SPEF2: variants seen among roughly 807,000 people sequenced by gnomAD.
The protein encoded by SPEF2 is sperm flagella and cilia-associated protein 2.
SPEF2 carries 187 observed loss-of-function variants against 224.6 expected under a neutral mutation model. The observed-to-expected ratio is 0.83, with a 90% CI of 0.74 to 0.94. The LOEUF is 0.94. Among genes scored for constraint, SPEF2 ranks in the 40% least tolerant of loss-of-function variants. The pLI is 0.00. For missense variants in SPEF2, 2,170 were observed against 2,135.6 expected (o/e 1.02, Z -0.32); for synonymous variants, 715 against 707.3 (o/e 1.01, Z -0.17).
At chr5:35,709,214 T>C in intron 19 of SPEF2, 93 bp downstream of exon 19, 1 of 1,551,384 alleles carries the variant, frequency 6.4e-7, no homozygotes, top group East Asian at 2.3e-5. Context: ...ATTCAGACTT[T>C]GGGCAACTTC....
chr5:35,797,317 G>GGTGTGTCTGTGTGT (rs369368858), intron 33 of SPEF2, among the ~76,000 whole-genome samples: 2,599 of 142,132 alleles, frequency 0.018, 61 homozygotes, highest in African/African-American at 0.034. Context: ...ATGGCTGACG[G>GGTGTGTCTGTGTGT]GTGTGTGTGT....
At chr5:35,746,084 A>C (rs538843574) in intron 23 of SPEF2, among the ~76,000 whole-genome samples, 1 of 152,356 alleles carries the variant, frequency 6.6e-6, no homozygotes, top group South Asian at 2.1e-4. Flanking sequence ...CAATCACTGC[A>C]GTTTGGCTCA....
chr5:35,714,434 G>A (rs1742094197), intron 20 of SPEF2, among the ~76,000 whole-genome samples: 2 of 151,554 alleles, frequency 1.3e-5, no homozygotes, highest in South Asian at 4.2e-4. Flanking sequence ...TCCCTTTTAC[G>A]GTATTTGGAT....
chr5:35,721,893 A>G (rs1469277762), intron 20 of SPEF2, among the ~76,000 whole-genome samples: 1 of 152,208 alleles, frequency 6.6e-6, no homozygotes. Flanking sequence ...TAGGATGTAA[A>G]GCAAGATGGA....
At chr5:35,676,993 C>T (rs1057097274) in intron 10 of SPEF2, among the ~76,000 whole-genome samples, 3 of 152,110 alleles carry the variant, frequency 2.0e-5, no homozygotes, top group African/African-American at 7.2e-5. Context: ...TCAATGTCAC[C>T]TCTAAGCTTT....
At chr5:35,811,100 A>AC (rs62801060) in intron 36 of SPEF2, among the ~76,000 whole-genome samples, 1 of 150,456 alleles carries the variant, frequency 6.6e-6, no homozygotes, top group Non-Finnish European at 1.5e-5. Flanking sequence ...TAAAAAAAAA[A>AC]ATAATAAATA....
intron 2 of SPEF2, among the ~76,000 whole-genome samples, chr5:35,633,519 CT>C (rs1368316610): frequency 7.9e-5 from 12 of 151,720 alleles, no homozygotes; most frequent in African/African-American, 1.2e-4. Context: ...AAATTTGTGT[CT>C]TTGAATCTAA....
intron 33 of SPEF2, among the ~76,000 whole-genome samples, chr5:35,796,910 C>T (rs1270819479): frequency 1.3e-5 from 2 of 152,090 alleles, no homozygotes; most frequent in Non-Finnish European, 2.9e-5. Flanking sequence ...TTGGCAGTTG[C>T]AGGGGCAGTA....
intron 34 of SPEF2, among the ~76,000 whole-genome samples, chr5:35,803,633 A>C (rs1423257181): frequency 1.3e-5 from 2 of 151,906 alleles, no homozygotes; most frequent in Non-Finnish European, 2.9e-5. Context: ...TCCTCATCCC[A>C]CTGTCTCCAA....
At chr5:35,694,707 A>G (rs1030297531) in intron 13 of SPEF2, among the ~76,000 whole-genome samples, 3 of 152,192 alleles carry the variant, frequency 2.0e-5, no homozygotes, top group South Asian at 2.1e-4. Context: ...GACTGGGTAT[A>G]TGAGTACAAT....
chr5:35,752,946 A>G (rs1275679738), intron 23 of SPEF2, among the ~76,000 whole-genome samples: 1 of 149,642 alleles, frequency 6.7e-6, no homozygotes, highest in East Asian at 1.9e-4. Flanking sequence ...AAATATATAT[A>G]ATGTATTATA....
chr5:35,669,207 G>A (rs762375825), intron 9 of SPEF2, among the ~76,000 whole-genome samples: 5 of 152,012 alleles, frequency 3.3e-5, no homozygotes, highest in Admixed American at 6.6e-5. Flanking sequence ...TTAGCATAAC[G>A]TCTTCAAGGT....
chr5:35,751,073 A>ACATACG lies in SPEF2; in HGVS notation c.3331-2551_3331-2550insCATACG, dbSNP rs1749510524. Among the ~76,000 whole-genome samples, 56 of 57,522 alleles carry ACATACG rather than the reference A, an allele frequency of 9.7e-4. 4 individuals carry two copies. The highest frequency in any genetic ancestry group is 1.7e-3 in the Non-Finnish European group (48 of 28,196). The allele number at this position is 57,522 out of a possible 152,430, so 37.7% of individuals were successfully genotyped here. A position where few individuals can be genotyped will look rare whatever the true frequency, so the allele number is the denominator to read the frequency against. On this transcript the variant is annotated intron_variant, in intron 23 of 36. Transcript: ENST00000356031. ...TATATATACGTATATATATGTATAT[A>ACATACG]TATATACACACACACACACACACAT...
chr5:35,689,789 T>A (rs547190713), intron 10 of SPEF2, among the ~76,000 whole-genome samples: 2 of 152,328 alleles, frequency 1.3e-5, no homozygotes, highest in East Asian at 3.9e-4. Flanking sequence ...GTTTTTGTTA[T>A]TGTGAATAGT....
intron 18 of SPEF2, among the ~76,000 whole-genome samples, chr5:35,707,838 G>T (rs1220290840): frequency 2.6e-5 from 4 of 152,126 alleles, no homozygotes; most frequent in African/African-American, 9.7e-5. Context: ...TTGCTCAGAT[G>T]TCACCTTATG....
At chr5:35,740,391 T>C in intron 23 of SPEF2, 124 bp downstream of exon 23, 1 of 1,268,088 alleles carries the variant, frequency 7.9e-7, no homozygotes, top group South Asian at 1.4e-5. Context: ...TGGTTTGAAC[T>C]ATTAACCAGG....
chr5:35,789,983 T>C (rs1393586904), intron 30 of SPEF2: 1 of 700,998 alleles, frequency 1.4e-6, no homozygotes, highest in South Asian at 1.5e-5. Flanking sequence ...TGGGTAAAAC[T>C]TGGGAGTCTC....
intron 20 of SPEF2, among the ~76,000 whole-genome samples, chr5:35,719,404 G>A (rs1002195756): frequency 6.6e-6 from 1 of 152,124 alleles, no homozygotes; most frequent in African/African-American, 2.4e-5. Context: ...TACTTGGCCT[G>A]ATTATTTGCA....
rs1433006063 is a variant in SPEF2 at position 35,724,259 on chromosome 5, G to A, written c.2915-3416G>A. ...CCCACATTAATTTGCACACTAAATT[G>A]CTCATAACTTCCCTGACTTTTGCCT... is the stretch of plus-strand genomic sequence containing the variant. On this transcript the variant is annotated intron_variant, in intron 20 of 36. Coordinates refer to ENST00000356031, the MANE Select transcript of SPEF2 (RefSeq NM_024867.4). Among the ~76,000 whole-genome samples, 3 of 152,132 alleles carry A rather than the reference G, an allele frequency of 2.0e-5. No individual in the cohort carries two copies. The East Asian group carries it at 5.8e-4, about 29-fold the overall frequency.
Sources: gnomAD v4.1 joint callset for allele counts (sites outside exome capture counted in the v4.1 genomes callset) on GRCh38, gnomAD v4.1.1 for gene constraint, MANE v1.5 for transcripts, NCBI Gene and HGNC (gene_info 2026-07-23, HGNC 2026-07-21) for gene names.